GRB2: variants seen among roughly 807,000 people sequenced by gnomAD.
GRB2 encodes growth factor receptor-bound protein 2.
Under a neutral mutation model 27.4 loss-of-function variants are expected in GRB2, and 2 were observed. The observed-to-expected ratio is 0.07, with a 90% CI of 0.03 to 0.23. The LOEUF (loss-of-function observed/expected upper bound fraction) is 0.23. Among genes scored for constraint, GRB2 ranks in the 10% least tolerant of loss-of-function variants. GRB2 has a pLI of 1.00. For missense variants in GRB2, 102 were observed against 282.4 expected (o/e 0.36, Z 4.58); for synonymous variants, 94 against 99.6 (o/e 0.94, Z 0.33).
intron 3 of GRB2, 63 bp downstream of exon 3, chr17:75,332,635 TAA>T (rs2078548891): frequency 2.2e-6 from 2 of 902,274 alleles, no homozygotes; most frequent in Non-Finnish European, 3.6e-6. Context: ...ATCTCAATTT[TAA>T]AAAGAGTGTT....
intron 3 of GRB2, among the ~76,000 whole-genome samples, chr17:75,328,445 A>C (rs1320242278): frequency 6.7e-6 from 1 of 149,510 alleles, no homozygotes; most frequent in Non-Finnish European, 1.5e-5. Flanking sequence ...GTTCGAGACC[A>C]GCCTGGCCAA....
At chr17:75,404,181 G>A (rs1000526898) in intron 1 of GRB2, among the ~76,000 whole-genome samples, 5 of 151,754 alleles carry the variant, frequency 3.3e-5, no homozygotes, top group African/African-American at 9.7e-5. Context: ...AACATAAGCA[G>A]GCACAGAAGC....
chr17:75,349,977 TA>T (rs1363717729), intron 2 of GRB2, among the ~76,000 whole-genome samples: 3 of 151,406 alleles, frequency 2.0e-5, no homozygotes, highest in Non-Finnish European at 4.4e-5. Flanking sequence ...CTGTATGTAT[TA>T]AAGATCTAAT....
intron 2 of GRB2, among the ~76,000 whole-genome samples, chr17:75,362,529 A>C (rs752889210): frequency 6.6e-6 from 1 of 152,218 alleles, no homozygotes; most frequent in Non-Finnish European, 1.5e-5. Flanking sequence ...TGTTGGTTTT[A>C]CCAGTCAGCA....
chr17:75,346,207 A>G (rs987158632), intron 2 of GRB2, among the ~76,000 whole-genome samples: 3 of 139,968 alleles, frequency 2.1e-5, no homozygotes, highest in Non-Finnish European at 4.6e-5. Flanking sequence ...AAAAACTGCT[A>G]TATTGGCTGG....
chr17:75,404,032 G>C (rs978546821), intron 1 of GRB2, among the ~76,000 whole-genome samples: 1 of 150,240 alleles, frequency 6.7e-6, no homozygotes, highest in African/African-American at 2.4e-5. Flanking sequence ...AGAATCGCTT[G>C]AACCCAGGAG....
At chr17:75,342,252 G>T (rs369545076) in intron 2 of GRB2, among the ~76,000 whole-genome samples, 1 of 152,084 alleles carries the variant, frequency 6.6e-6, no homozygotes, top group Non-Finnish European at 1.5e-5. Context: ...AAACTAACCC[G>T]CAAGCAATGA....
chr17:75,320,143 T>G lies in GRB2; in HGVS notation c.*225A>C. ...GGGGAAAGAGGAGCAGCAGTGAAAATTTGTAATAAAAACTCTTCTTAATTT... is the reference window on the plus strand; with the variant it reads ...GGGGAAAGAGGAGCAGCAGTGAAAAGTTGTAATAAAAACTCTTCTTAATTT... On this transcript the variant is annotated 3_prime_UTR_variant, in exon 6 of 6. Transcript: ENST00000316804. The surrounding 1 kb of genome is among the most constrained non-coding windows in gnomAD (Gnocchi z 4.3). 1 of 463,432 alleles carries G rather than the reference T, an allele frequency of 2.2e-6. No homozygotes were observed. The highest frequency in any genetic ancestry group is 3.9e-6 in the Non-Finnish European group (1 of 255,336). 28.7% of individuals were successfully genotyped at this position (463,432 alleles called of 1,614,324 possible). A position where few individuals can be genotyped will look rare whatever the true frequency, so the allele number is the denominator to read the frequency against.
intron 2 of GRB2, among the ~76,000 whole-genome samples, chr17:75,356,673 C>T (rs1335588223): frequency 6.6e-6 from 1 of 152,206 alleles, no homozygotes; most frequent in African/African-American, 2.4e-5. Flanking sequence ...TACCACTCTA[C>T]TGAAACTACT....
chr17:75,395,492 A>G (rs1306918202), intron 1 of GRB2, among the ~76,000 whole-genome samples: 1 of 152,236 alleles, frequency 6.6e-6, no homozygotes, highest in Admixed American at 6.5e-5. Context: ...CGTGTACATA[A>G]TTTTAAAAGT....
At chr17:75,357,793 C>T (rs896346118) in intron 2 of GRB2, among the ~76,000 whole-genome samples, 2 of 151,666 alleles carry the variant, frequency 1.3e-5, no homozygotes, top group African/African-American at 2.4e-5. Context: ...TGGTGGCAGG[C>T]GCCTGTAATC....
intron 2 of GRB2, among the ~76,000 whole-genome samples, chr17:75,380,858 T>C (rs1332352061): frequency 2.0e-5 from 3 of 152,232 alleles, no homozygotes; most frequent in Non-Finnish European, 2.9e-5. Flanking sequence ...CTGGTTAACA[T>C]AGTCCTATAA....
intron 2 of GRB2, among the ~76,000 whole-genome samples, chr17:75,380,970 G>T (rs1333439165): frequency 6.6e-6 from 1 of 152,168 alleles, no homozygotes; most frequent in Non-Finnish European, 1.5e-5. Context: ...TAGGGATTAT[G>T]GGCCATTCTC....
chr17:75,401,999 T>C (rs769279289), intron 1 of GRB2, among the ~76,000 whole-genome samples: 47 of 152,216 alleles, frequency 3.1e-4, no homozygotes, highest in Non-Finnish European at 5.6e-4. Context: ...GATGAAACCA[T>C]CATCAGTTGA....
At chr17:75,384,647 GCAACAGAGACTCTTGTCTCAAAATAA>G (rs2078950674) in intron 2 of GRB2, among the ~76,000 whole-genome samples, 1 of 152,038 alleles carries the variant, frequency 6.6e-6, no homozygotes, top group African/African-American at 2.4e-5. Flanking sequence ...TCCAGCCTGG[GCAACAGAGACTCTTGTCTCAAAATAA>G]CATAACATAA....
chr17:75,352,392 T>C (rs187915999), intron 2 of GRB2, among the ~76,000 whole-genome samples: 6 of 152,328 alleles, frequency 3.9e-5, no homozygotes, highest in Admixed American at 1.3e-4. Context: ...GGCTAAATGA[T>C]AGGATGTATT....
At chr17:75,346,386 C>T (rs1001237389) in intron 2 of GRB2, among the ~76,000 whole-genome samples, 1 of 151,784 alleles carries the variant, frequency 6.6e-6, no homozygotes, top group Non-Finnish European at 1.5e-5. Context: ...GTCCCAGCTA[C>T]TCGGGGGGCT....
At chr17:75,347,774 G>A (rs1358001529) in intron 2 of GRB2, among the ~76,000 whole-genome samples, 9 of 152,106 alleles carry the variant, frequency 5.9e-5, no homozygotes. Flanking sequence ...AGCCTGAGTG[G>A]GCTGAGTGTG....
intron 1 of GRB2, chr17:75,394,855 G>A (rs772164180): frequency 4.6e-5 from 7 of 152,232 alleles, no homozygotes; most frequent in South Asian, 2.1e-4. Context: ...TGTATCAGAC[G>A]ATGAGGAACT....
Sources: allele counts gnomAD v4.1 joint callset (sites outside exome capture counted in the v4.1 genomes callset), GRCh38; gene constraint gnomAD v4.1.1; non-coding constraint Gnocchi (gnomAD v3.1); transcripts MANE v1.5; gene names NCBI Gene and HGNC (gene_info 2026-07-23, HGNC 2026-07-21).